Variants in SCML2 observed in about 807,000 individuals in gnomAD.
SCML2 encodes the protein Scm polycomb group protein like 2.
In SCML2, 6 loss-of-function variants were observed where a neutral mutation model predicts 48.4. That is an observed-to-expected ratio of 0.12 (90% CI 0.07 to 0.24). SCML2 has a LOEUF of 0.24. SCML2 is among the 10% of genes least tolerant of loss of function. The pLI is 1.00. For synonymous variants in SCML2, 181 were observed against 189.5 expected, an observed-to-expected ratio of 0.95 and a Z score of 0.37; for missense variants, 377 against 528.2, an observed-to-expected ratio of 0.71 and a Z score of 2.81.
At chrX:18,328,213 T>C (rs769247993) in intron 3 of SCML2, among the ~76,000 whole-genome samples, 2 of 111,788 alleles carry the variant, frequency 1.8e-5, no homozygotes, top group South Asian at 7.5e-4. Flanking sequence ...ATCAGAATCA[T>C]GTCTTCCACC....
At position 18,241,348 on chromosome X, in the gene SCML2, T is replaced by C. The variant is rs746307395; in HGVS notation, c.2006A>G (p.Lys669Arg). Residue 669 changes from lysine to arginine, a missense_variant, in exon 15 of 15, where the codon AAG becomes AGG. Lys to Arg is a conservative substitution (Grantham distance 26). Around this residue, in one of 3 missense-constraint regions of SCML2, gnomAD observed 299 missense variants for 425.5 expected, o/e 0.70. Coordinates refer to ENST00000251900, the MANE Select transcript of SCML2 (RefSeq NM_006089.3). Reference protein sequence around the residue: ...EIDGKALFLLKSDVMMKYMGL... With the variant: ...EIDGKALFLLRSDVMMKYMGL... ...CATATACTTCATCATCACATCACTCTTGAGTAGGAACAGAGCCTTCCCATC... is the reference window on the plus strand; with the variant it reads ...CATATACTTCATCATCACATCACTCCTGAGTAGGAACAGAGCCTTCCCATC... The C allele has an allele frequency of 1.3e-5, 15 of 1,188,658 alleles. No homozygotes were observed. Among genetic ancestry groups the C allele is most frequent in the Non-Finnish European group, 1.5e-5 (13 of 883,238 alleles).
chrX:18,246,375 C>A (rs17246987), intron 13 of SCML2, among the ~76,000 whole-genome samples: 3,193 of 112,007 alleles, frequency 0.029, 45 homozygotes, highest in Non-Finnish European at 0.037. Flanking sequence ...GGTTGGTGAT[C>A]CAGATCCCTA....
Position 18,242,463 on chromosome X carries a change from G to A in SCML2, c.1950C>T (p.Pro650=). 8.3e-7 allele frequency: 1 copy of A among 1,200,066 alleles called. No homozygotes were observed. Among genetic ancestry groups the A allele is most frequent in the Non-Finnish European group, 1.1e-6 (1 of 892,498 alleles). Residue 650 remains proline, a synonymous_variant, in exon 14 of 15, where the codon CCC becomes CCT. Coordinates refer to ENST00000251900, the MANE Select transcript of SCML2 (RefSeq NM_006089.3). The part of the protein sequence containing the change: ...MKHTDPQISG[P]LADLFRQHEI... ...CATGTTGCCTGAAGAGGTCGGCGAG[G>A]GGGCCTGATATCTGAGGATCTGTAT...
At chrX:18,325,906 C>T (rs967787871) in intron 3 of SCML2, among the ~76,000 whole-genome samples, 1 of 112,296 alleles carries the variant, frequency 8.9e-6, no homozygotes, top group African/African-American at 3.2e-5. Context: ...TCTTACATTT[C>T]CTTCAAAAGA....
chrX:18,300,769 C>CA (rs939494698), intron 7 of SCML2, among the ~76,000 whole-genome samples: 44 of 96,810 alleles, frequency 4.5e-4, no homozygotes, highest in African/African-American at 1.6e-3. Flanking sequence ...CCAGCCTGGG[C>CA]AATGGAGCAA....
rs1926511352 is a variant in SCML2, at chrX:18,247,975, T to C, written c.1457-93A>G. The C allele has an allele frequency of 7.3e-6, 4 of 545,075 alleles. No homozygotes were observed. In the Admixed American group the frequency reaches 1.3e-4, roughly 17 times the overall value. The allele number at this position is 545,075 out of a possible 1,213,427, so 44.9% of individuals were successfully genotyped here. A position where few individuals can be genotyped will look rare whatever the true frequency, so the allele number is the denominator to read the frequency against. ...AGCATGAAACACTTCTGTTTCTACA[T>C]CATTTGCCTACAATACCTTCATTGA... On this transcript the variant is annotated intron_variant, in intron 11 of 14. Transcript: ENST00000251900.
At chrX:18,260,335 T>A (rs1392917250) in intron 8 of SCML2, 44 bp from the exon 9 acceptor site, 26 of 984,681 alleles carry the variant, frequency 2.6e-5, no homozygotes, top group Non-Finnish European at 3.5e-5. Flanking sequence ...ACAATACTCA[T>A]TAATATATTC....
chrX:18,354,350 G>A (rs1293398013), intron 1 of SCML2, among the ~76,000 whole-genome samples: 1 of 112,293 alleles, frequency 8.9e-6, no homozygotes, highest in East Asian at 2.9e-4. Flanking sequence ...GCGGCGAAAA[G>A]GCCCCGGGGC....
intron 7 of SCML2, among the ~76,000 whole-genome samples, chrX:18,290,346 A>G (rs1459646484): frequency 9.0e-6 from 1 of 111,706 alleles, no homozygotes; most frequent in Non-Finnish European, 1.9e-5. Flanking sequence ...GCTTTGCTAC[A>G]CTTTCCTGAT....
intron 7 of SCML2, among the ~76,000 whole-genome samples, chrX:18,293,215 C>G (rs947808328): frequency 1.8e-5 from 2 of 111,557 alleles, no homozygotes; most frequent in Non-Finnish European, 3.8e-5. Flanking sequence ...AAAAACTGTA[C>G]TTTTATTTTA....
At chrX:18,299,472 C>T (rs1036152645) in intron 7 of SCML2, among the ~76,000 whole-genome samples, 1 of 109,348 alleles carries the variant, frequency 9.1e-6, no homozygotes, top group Non-Finnish European at 1.9e-5. Flanking sequence ...GAGCTGAGAT[C>T]GCGCCACTGC....
At chrX:18,336,432 G>A (rs1477929674) in intron 1 of SCML2, among the ~76,000 whole-genome samples, 1 of 77,318 alleles carries the variant, frequency 1.3e-5, no homozygotes, top group African/African-American at 5.1e-5. Flanking sequence ...AGCGAGACTC[G>A]GTCTCAAAAA....
At chrX:18,327,343 C>T (rs1213396986) in intron 3 of SCML2, among the ~76,000 whole-genome samples, 1 of 111,574 alleles carries the variant, frequency 9.0e-6, no homozygotes, top group Non-Finnish European at 1.9e-5. Flanking sequence ...GCACTCCAGC[C>T]TGGGCAACCA....
chrX:18,266,624 G>C (rs1315037789), intron 7 of SCML2, among the ~76,000 whole-genome samples: 1 of 112,026 alleles, frequency 8.9e-6, no homozygotes, highest in Non-Finnish European at 1.9e-5. Context: ...ATTCTTTACA[G>C]GAAGAACTAT....
chrX:18,310,334 C>T (rs1217729638), intron 6 of SCML2, among the ~76,000 whole-genome samples: 4 of 97,085 alleles, frequency 4.1e-5, no homozygotes, highest in Non-Finnish European at 6.1e-5. Flanking sequence ...GGCACGACCT[C>T]GGCTCACTGC....
chrX:18,263,011 C>G (rs975959795), intron 8 of SCML2, among the ~76,000 whole-genome samples: 1 of 111,164 alleles, frequency 9.0e-6, no homozygotes. Context: ...CCACTGTACC[C>G]AGCCCCTCCT....
chrX:18,289,135 C>A (rs1029013512), intron 7 of SCML2, among the ~76,000 whole-genome samples: 4 of 111,911 alleles, frequency 3.6e-5, no homozygotes, highest in African/African-American at 9.7e-5. Context: ...AAGTTATCCC[C>A]ACCTGATCAC....
In SCML2 at chrX:18,354,645, C is replaced by G. The variant is rs1451399392; in HGVS notation, c.-78G>C. 9 of 287,310 alleles carry G rather than the reference C, an allele frequency of 3.1e-5. No homozygotes were observed. Among genetic ancestry groups the G allele is most frequent in the Non-Finnish European group, 5.5e-5 (9 of 164,324 alleles). 23.7% of individuals were successfully genotyped at this position (287,310 alleles called of 1,213,427 possible). A position where few individuals can be genotyped will look rare whatever the true frequency, so the allele number is the denominator to read the frequency against. On this transcript the variant is annotated 5_prime_UTR_variant, in exon 1 of 15. Coordinates refer to ENST00000251900, the MANE Select transcript of SCML2 (RefSeq NM_006089.3). ...ATTCTGTCCCACCGATCGCGCGAGC[C>G]GGCACCGAGCTTCACACCGCCGCCG...
intron 1 of SCML2, among the ~76,000 whole-genome samples, chrX:18,342,711 CAA>C (rs768614879): frequency 1.3e-4 from 9 of 71,177 alleles, no homozygotes; most frequent in Admixed American, 1.7e-4. Flanking sequence ...GACTCCATCT[CAA>C]AAAAAAAAAA....
Sources: gnomAD v4.1 joint callset for allele counts (sites outside exome capture counted in the v4.1 genomes callset) on GRCh38, gnomAD v4.1.1 for gene constraint, gnomAD v4.1.1 regional missense constraint, MANE v1.5 for transcripts, NCBI Gene and HGNC (gene_info 2026-07-23, HGNC 2026-07-21) for gene names.